The following LRATD1 variants were observed in gnomAD, a reference collection of about 807,000 sequenced individuals.
LRATD1 encodes the protein protein LRATD1.
Under a neutral mutation model 21.3 loss-of-function variants are expected in LRATD1, and 8 were observed. That is an observed-to-expected ratio of 0.38 (90% CI 0.22 to 0.68). The LOEUF is 0.68. LRATD1 is among the 30% of genes least tolerant of loss of function. The probability of loss-of-function intolerance (pLI) is 0.54; values close to 1 mark genes in which losing one functional copy is unlikely to be tolerated. For missense variants in LRATD1, 380 were observed against 404.0 expected, an observed-to-expected ratio of 0.94 and a Z score of 0.51; for synonymous variants, 210 against 186.2, an observed-to-expected ratio of 1.13 and a Z score of -1.04.
downstream of LRATD1, among the ~76,000 whole-genome samples, chr2:14,641,231 C>T (rs1269008737): frequency 6.6e-6 from 1 of 152,078 alleles, no homozygotes; most frequent in Non-Finnish European, 1.5e-5. Context: ...TTCCATGTGT[C>T]TTTTAAGGCC....
chr2:14,647,951 C>T (rs1301327379), intron 4 of LRATD1, among the ~76,000 whole-genome samples: 1 of 152,138 alleles, frequency 6.6e-6, no homozygotes, highest in Non-Finnish European at 1.5e-5. Flanking sequence ...TCCTCCTACC[C>T]TTCACTGAGA....
Position 14,634,219 on chromosome 2 carries a change from C to A in LRATD1, c.240C>A (p.Val80=). Residue 80 remains valine (V), a synonymous_variant, in exon 2 of 2, where the codon GTC becomes GTA. Coordinates refer to ENST00000295092, the MANE Select transcript of LRATD1 (RefSeq NM_145175.4). Reference sequence around the variant, plus strand: ...ACCACCACCTGCTGCACCAGCTGGTCCTCAACGAGACTCAGTTTTCCGCCT... The same window carrying A: ...ACCACCACCTGCTGCACCAGCTGGTACTCAACGAGACTCAGTTTTCCGCCT... ...RHHHHLLHQL[V]LNETQFSAFR... The A allele has an allele frequency of 6.2e-7, 1 of 1,613,034 alleles. No individual in the cohort carries two copies. The highest frequency in any genetic ancestry group is 8.5e-7 in the Non-Finnish European group (1 of 1,179,864).
downstream of LRATD1, among the ~76,000 whole-genome samples, chr2:14,642,814 T>C (rs1490879882): frequency 1.3e-5 from 2 of 152,184 alleles, no homozygotes; most frequent in Admixed American, 6.5e-5. Flanking sequence ...TAATGTCTTA[T>C]GAAATATATA....
At chr2:14,648,920 G>T (rs1671944034) in intron 4 of LRATD1, among the ~76,000 whole-genome samples, 1 of 152,134 alleles carries the variant, frequency 6.6e-6, no homozygotes, top group Non-Finnish European at 1.5e-5. Flanking sequence ...CATGAAGGTA[G>T]TTTCTCCCCT....
At chr2:14,648,091 C>A (rs900625848) in intron 4 of LRATD1, among the ~76,000 whole-genome samples, 7 of 152,162 alleles carry the variant, frequency 4.6e-5, no homozygotes, top group Admixed American at 2.6e-4. Flanking sequence ...GAAGGTCTTA[C>A]ACGCATGATT....
chr2:14,646,796 G>A (rs1292108255), intron 4 of LRATD1, among the ~76,000 whole-genome samples: 1 of 152,156 alleles, frequency 6.6e-6, no homozygotes, highest in African/African-American at 2.4e-5. Context: ...AACTTAGCTG[G>A]AAGAGCATTA....
downstream of LRATD1, among the ~76,000 whole-genome samples, chr2:14,651,140 T>C (rs1208610585): frequency 2.0e-5 from 3 of 152,194 alleles, no homozygotes; most frequent in Non-Finnish European, 4.4e-5. Context: ...TGAATTTTTA[T>C]TTTGTGTTTA....
downstream of LRATD1, among the ~76,000 whole-genome samples, chr2:14,642,634 C>T (rs1187730413): frequency 1.5e-5 from 2 of 137,514 alleles, no homozygotes; most frequent in Non-Finnish European, 3.0e-5. Context: ...CTACATTCAC[C>T]TACAGCATGT....
rs956026939 is a variant in LRATD1, at chr2:14,638,339, AAAT to A, written c.*3487_*3489del. Reference sequence around the variant, plus strand: ...CTGTTGTCATGACAGTATTTTTTAAAAATAATAACGTATATTATAGTTACGAAA... The same window carrying A: ...CTGTTGTCATGACAGTATTTTTTAAAAATAACGTATATTATAGTTACGAAA... On this transcript the variant is annotated 3_prime_UTR_variant, in exon 2 of 2. Transcript: ENST00000295092. 6.0e-6 allele frequency: 1 copy of A among 166,982 alleles called. No homozygotes were observed. Among genetic ancestry groups the A allele is most frequent in the African/African-American group, 2.4e-5 (1 of 41,448 alleles). The allele number at this position is 166,982 out of a possible 1,614,324, so 10.3% of individuals were successfully genotyped here. A position where few individuals can be genotyped will look rare whatever the true frequency, so the allele number is the denominator to read the frequency against.
chr2:14,643,670 G>C (rs1001837134), downstream of LRATD1, among the ~76,000 whole-genome samples: 2 of 152,222 alleles, frequency 1.3e-5, no homozygotes, highest in South Asian at 4.1e-4. Context: ...CTTACCAGCT[G>C]TTCTGTGAAG....
intron 4 of LRATD1, among the ~76,000 whole-genome samples, chr2:14,648,886 GT>G (rs916173722): frequency 9.2e-5 from 14 of 152,036 alleles, no homozygotes; most frequent in African/African-American, 3.4e-4. Context: ...AAACTATCCT[GT>G]TTTTTTGAAT....
downstream of LRATD1, among the ~76,000 whole-genome samples, chr2:14,643,359 A>G (rs1171594482): frequency 6.6e-6 from 1 of 152,226 alleles, no homozygotes; most frequent in Non-Finnish European, 1.5e-5. Flanking sequence ...TACAGCCTTT[A>G]AGGACTTTCC....
downstream of LRATD1, among the ~76,000 whole-genome samples, chr2:14,644,186 C>G (rs998915076): frequency 6.6e-6 from 1 of 151,868 alleles, no homozygotes; most frequent in Admixed American, 6.6e-5. Context: ...CCACTATTAG[C>G]TATAATCCAT....
At position 14,633,859 on chromosome 2, in the gene LRATD1, C is replaced by T; in HGVS notation, c.-36-85C>T. 7.5e-7 allele frequency: 1 copy of T among 1,329,870 alleles called. No individual in the cohort carries two copies. The allele number at this position is 1,329,870 out of a possible 1,614,324, so 82.4% of individuals were successfully genotyped here. ...GGCACGTAAGCTAGCCGGCAGGTCC[C>T]AGGGGCACTGCACGTCTTGGGGAGG... On this transcript the variant is annotated intron_variant, in intron 1 of 1. Coordinates refer to ENST00000295092, the MANE Select transcript of LRATD1 (RefSeq NM_145175.4). This position sits in a 1 kb window ranked among gnomAD's most constrained non-coding sequence, Gnocchi z 7.5.
In LRATD1 at chr2:14,636,489, C is replaced by G. The variant is rs980516284; in HGVS notation, c.*1631C>G. 6.0e-6 allele frequency: 1 copy of G among 167,040 alleles called. No individual in the cohort carries two copies. The highest frequency in any genetic ancestry group is 2.4e-5 in the African/African-American group (1 of 41,450). The allele number at this position is 167,040 out of a possible 1,614,324, so 10.3% of individuals were successfully genotyped here. On this transcript the variant is annotated 3_prime_UTR_variant, in exon 2 of 2. Coordinates refer to ENST00000295092, the MANE Select transcript of LRATD1 (RefSeq NM_145175.4). ...AACAGGGATGATGAACTTGTAGGAT[C>G]AGGACAAATGTGTGTTTTTCAAAAA... is the stretch of plus-strand genomic sequence containing the variant.
At chr2:14,643,893 G>A (rs1369245), downstream of LRATD1, among the ~76,000 whole-genome samples, 1 of 152,132 alleles carries the variant, frequency 6.6e-6, no homozygotes, top group Non-Finnish European at 1.5e-5. Flanking sequence ...GTTTGAGGAA[G>A]GTGTCTTGGC....
chr2:14,634,847 G>A lies in LRATD1; in HGVS notation c.868G>A (p.Asp290Asn), dbSNP rs544194083. ...CCAGGAGCTCGCCGACCTCGTGGAC[G>A]ACAAGGAGTAGCCGCCTAGGGGCTG... ...VLQELADLVD[D>N]KE The change falls in exon 2 of 2, where the codon GAC becomes AAC. Residue 290 changes from aspartate (D) to asparagine (N), a missense_variant. Physicochemically the swap from Asp to Asn is conservative, Grantham distance 23 (BLOSUM62 1). Transcript: ENST00000295092. 6.2e-7 allele frequency: 1 copy of A among 1,609,240 alleles called. No homozygotes were observed. Among genetic ancestry groups the A allele is most frequent in the South Asian group, 1.1e-5 (1 of 90,810 alleles).
downstream of LRATD1, among the ~76,000 whole-genome samples, chr2:14,640,571 C>A (rs990308125): frequency 5.3e-5 from 8 of 152,168 alleles, no homozygotes; most frequent in African/African-American, 1.7e-4. Context: ...TAAGGAAATT[C>A]TTGCCATCAA....
downstream of LRATD1, among the ~76,000 whole-genome samples, chr2:14,641,316 G>A (rs77107230): frequency 1.9e-3 from 291 of 152,284 alleles, no homozygotes; most frequent in African/African-American, 6.2e-3. Flanking sequence ...CCCCATGGTC[G>A]TTGAGAGAGA....
Sources: allele counts gnomAD v4.1 joint callset (sites outside exome capture counted in the v4.1 genomes callset), GRCh38; gene constraint gnomAD v4.1.1; non-coding constraint Gnocchi (gnomAD v3.1); transcripts MANE v1.5; gene names NCBI Gene and HGNC (gene_info 2026-07-23, HGNC 2026-07-21).